The following NFIB variants were observed in gnomAD, a reference collection of about 807,000 sequenced individuals.
NFIB encodes nuclear factor I B.
In NFIB, 11 loss-of-function variants were observed where a neutral mutation model predicts 61.5. The ratio of observed to expected loss-of-function variants is 0.18; its 90% CI spans 0.11 to 0.30. NFIB has a LOEUF of 0.30. NFIB is among the 10% of genes least tolerant of loss of function. The pLI, the probability that NFIB is intolerant of heterozygous loss-of-function variation, is 1.00. For synonymous variants in NFIB, 260 were observed against 216.5 expected, an observed-to-expected ratio of 1.20 and a Z score of -1.76; for missense variants, 471 against 608.9, an observed-to-expected ratio of 0.77 and a Z score of 2.38.
chr9:14,393,601 G>T (rs1330921713), intron 1 of NFIB, among the ~76,000 whole-genome samples: 3 of 152,080 alleles, frequency 2.0e-5, no homozygotes, highest in South Asian at 4.1e-4. Flanking sequence ...AGGACTCCCA[G>T]TAAACATTTA....
chr9:14,515,998 G>C, the NFIB span, among the ~76,000 whole-genome samples: 1 of 152,224 alleles, frequency 6.6e-6, no homozygotes, highest in Middle Eastern at 3.2e-3. Context: ...GAGCGGCTCC[G>C]CTTGCTCATC....
At chr9:14,417,718 T>G in the NFIB span, among the ~76,000 whole-genome samples, 1 of 151,810 alleles carries the variant, frequency 6.6e-6, no homozygotes, top group Non-Finnish European at 1.5e-5. Context: ...TACAAGTTGT[T>G]AGGTATAGTT....
At chr9:14,159,434 C>T (rs2043878392) in intron 3 of NFIB, among the ~76,000 whole-genome samples, 2 of 152,098 alleles carry the variant, frequency 1.3e-5, no homozygotes, top group Admixed American at 6.6e-5. Flanking sequence ...CCCAGTGAGA[C>T]TTTAGTGGAG....
intron 1 of NFIB, among the ~76,000 whole-genome samples, chr9:14,386,006 C>G (rs2061545529): frequency 6.6e-6 from 1 of 152,120 alleles, no homozygotes; most frequent in African/African-American, 2.4e-5. Flanking sequence ...TGGTCTCAAA[C>G]TCCTGACCTC....
intron 2 of NFIB, among the ~76,000 whole-genome samples, chr9:14,241,512 C>CAA (rs149167152): frequency 1.5e-4 from 22 of 150,174 alleles, no homozygotes; most frequent in East Asian, 5.9e-4. Context: ...TTACATAATT[C>CAA]AAAAAAAAAC....
upstream of NFIB, among the ~76,000 whole-genome samples, chr9:14,403,340 C>T (rs2061760381): frequency 6.6e-6 from 1 of 152,206 alleles, no homozygotes; most frequent in Admixed American, 6.5e-5. Flanking sequence ...GCATCTGTGC[C>T]AGGTGGCCAT....
At chr9:14,398,281 C>G (rs943817173) in intron 1 of NFIB, among the ~76,000 whole-genome samples, 1 of 152,090 alleles carries the variant, frequency 6.6e-6, no homozygotes, top group Admixed American at 6.5e-5. Flanking sequence ...TTCTTTTCCC[C>G]GAAACATCTA....
the NFIB span, among the ~76,000 whole-genome samples, chr9:14,422,227 T>C: frequency 1.3e-5 from 2 of 152,194 alleles, no homozygotes; most frequent in East Asian, 3.8e-4. Context: ...TGTCAGATCC[T>C]TATGGAAACT....
chr9:14,470,039 AG>A, the NFIB span, among the ~76,000 whole-genome samples: 2 of 152,236 alleles, frequency 1.3e-5, no homozygotes, highest in African/African-American at 4.8e-5. Flanking sequence ...GTACTAAAGC[AG>A]TGAAGGGAAC....
At chr9:14,201,430 G>C (rs2049019006) in intron 2 of NFIB, among the ~76,000 whole-genome samples, 1 of 152,188 alleles carries the variant, frequency 6.6e-6, no homozygotes, top group Non-Finnish European at 1.5e-5. Context: ...CTGCAGGTCT[G>C]TGCCCTTGCT....
chr9:14,305,983 T>C (rs1323394464), intron 2 of NFIB: 4 of 1,353,460 alleles, frequency 3.0e-6, no homozygotes, highest in Non-Finnish European at 3.9e-6. Flanking sequence ...GACATCTATA[T>C]CTTGATGCAT....
chr9:14,315,719 TTGCACCCTTTC>T (rs927837615), upstream of NFIB, among the ~76,000 whole-genome samples: 1 of 151,024 alleles, frequency 6.6e-6, no homozygotes, highest in African/African-American at 2.4e-5. Context: ...GCGGTTCGCC[TTGCACCCTTTC>T]TGCACCCCCC....
At chr9:14,132,070 C>G (rs1048849844) in intron 6 of NFIB, among the ~76,000 whole-genome samples, 1 of 152,130 alleles carries the variant, frequency 6.6e-6, no homozygotes, top group African/African-American at 2.4e-5. Flanking sequence ...TATAGTAACA[C>G]AATTTTTAAC....
the NFIB span, among the ~76,000 whole-genome samples, chr9:14,453,246 T>C: frequency 1.8e-4 from 28 of 152,356 alleles, no homozygotes; most frequent in African/African-American, 6.5e-4. Context: ...GTGTAATGTA[T>C]AACAAACATT....
chr9:14,118,096 T>C (rs959369340), intron 8 of NFIB, among the ~76,000 whole-genome samples: 5 of 149,964 alleles, frequency 3.3e-5, no homozygotes, highest in African/African-American at 7.3e-5. Context: ...CACTGTTCCT[T>C]AAAAAAAAAA....
rs557516871 is a variant in NFIB at position 14,330,742 on chromosome 9, A to G, written c.109-23222T>C. ...ACACACATAGAGTGCCACAGAGTCA[A>G]CACGGTGAATAATTGAGAAGCTCGT... On this transcript the variant is annotated intron_variant, in intron 1 of 8. Transcript: ENST00000380934. 3.9e-5 allele frequency among the ~76,000 whole-genome samples: 6 copies of G among 152,276 alleles called. No individual in the cohort carries two copies. In the South Asian group the frequency reaches 1.2e-3, roughly 32 times the overall value.
chr9:14,393,220 C>T (rs1275166997), intron 1 of NFIB, among the ~76,000 whole-genome samples: 1 of 152,078 alleles, frequency 6.6e-6, no homozygotes, highest in Non-Finnish European at 1.5e-5. Context: ...GTCATATGAT[C>T]AGAAATGTGC....
chr9:14,143,410 T>A lies in NFIB; in HGVS notation c.925+3279A>T, dbSNP rs558316301. On this transcript the variant is annotated intron_variant, in intron 6 of 10. Coordinates refer to ENST00000380953, the MANE Select transcript of NFIB (RefSeq NM_001190737.2). ...AATCTCAATGGTTTAGGTTGGTATT[T>A]CAGATTGAAAGGGAAAGCAGAATGC... 3.0e-3 allele frequency among the ~76,000 whole-genome samples: 462 copies of A among 152,246 alleles called. 5 individuals carry two copies. Among genetic ancestry groups the A allele is most frequent in the African/African-American group, 0.011 (438 of 41,560 alleles).
At chr9:14,340,275 T>A (rs1168374238) in intron 1 of NFIB, among the ~76,000 whole-genome samples, 2 of 152,202 alleles carry the variant, frequency 1.3e-5, no homozygotes, top group Non-Finnish European at 2.9e-5. Context: ...TCTCCAATAA[T>A]AGGAGTTCAT....
Sources: allele counts gnomAD v4.1 joint callset (sites outside exome capture counted in the v4.1 genomes callset), GRCh38; gene constraint gnomAD v4.1.1; transcripts MANE v1.5; gene names NCBI Gene and HGNC (gene_info 2026-07-23, HGNC 2026-07-21).